Variants in B4GALT5 observed in about 807,000 individuals in gnomAD.
B4GALT5 encodes the protein UDP-Gal:beta-GlcNAc beta-1,4-galactosyltransferase 5.
A neutral mutation model predicts 45.0 loss-of-function variants in B4GALT5; 11 were observed. The ratio of observed to expected loss-of-function variants is 0.24; its 90% CI spans 0.15 to 0.40. The LOEUF (loss-of-function observed/expected upper bound fraction) is 0.40. Ranked by LOEUF, B4GALT5 falls within the 10% of genes least tolerant of loss-of-function variation. B4GALT5 has a pLI of 1.00. For synonymous variants in B4GALT5, 185 were observed against 182.9 expected (o/e 1.01, Z -0.09); for missense variants, 337 against 500.2 (o/e 0.67, Z 3.11).
intron 1 of B4GALT5, among the ~76,000 whole-genome samples, chr20:49,696,240 G>A (rs2085839154): frequency 6.6e-6 from 1 of 152,084 alleles, no homozygotes; most frequent in South Asian, 2.1e-4. Flanking sequence ...TAATTACTAA[G>A]TCCAAACAGG....
chr20:49,708,730 G>A (rs573704287), intron 1 of B4GALT5, among the ~76,000 whole-genome samples: 1 of 152,176 alleles, frequency 6.6e-6, no homozygotes, highest in East Asian at 1.9e-4. Flanking sequence ...GGCAGACCAC[G>A]AGGTCAGGAG....
At position 49,697,575 on chromosome 20, in the gene B4GALT5, C is replaced by CTT. The variant is rs11475400; in HGVS notation, c.115+15999_115+16000dup. On this transcript the variant is annotated intron_variant, in intron 1 of 8. Coordinates refer to ENST00000371711, the MANE Select transcript of B4GALT5 (RefSeq NM_004776.4). ...GGATGGCAGAGGAAGGGGACATGTCCTTTTTTTTTTTTTTTTAACAGAAAA... is the reference window on the plus strand; with the variant it reads ...GGATGGCAGAGGAAGGGGACATGTCCTTTTTTTTTTTTTTTTTTAACAGAAAA... 4.5e-4 allele frequency among the ~76,000 whole-genome samples: 65 copies of CTT among 143,662 alleles called. 1 individual carries two copies. The highest frequency in any genetic ancestry group is 4.0e-3 in the East Asian group (20 of 4,994). The allele number at this position is 143,662 out of a possible 152,430, so 94.2% of individuals were successfully genotyped here.
At chr20:49,665,471 T>TA (rs1310186582) in intron 1 of B4GALT5, among the ~76,000 whole-genome samples, 2 of 144,688 alleles carry the variant, frequency 1.4e-5, no homozygotes, top group Non-Finnish European at 3.0e-5. Context: ...ATAATAATAA[T>TA]AATAATAATA....
Position 49,636,179 on chromosome 20 carries a change from T to C in B4GALT5, c.*133A>G. 1 of 1,222,648 alleles carries C rather than the reference T, an allele frequency of 8.2e-7. No homozygotes were observed. The highest frequency in any genetic ancestry group is 2.3e-5 in the Admixed American group (1 of 43,968). The allele number at this position is 1,222,648 out of a possible 1,614,324, so 75.7% of individuals were successfully genotyped here. ...TGCGTGTGCTGTCACATTTTCCCCC[T>C]GAACTCTGTGATCCTTCATGAGACA... On this transcript the variant is annotated 3_prime_UTR_variant, in exon 9 of 9. Transcript: ENST00000371711.
intron 1 of B4GALT5, among the ~76,000 whole-genome samples, chr20:49,705,696 A>C (rs968243469): frequency 6.6e-6 from 1 of 152,198 alleles, no homozygotes; most frequent in African/African-American, 2.4e-5. Flanking sequence ...CAATTCACAC[A>C]TGCTCAGAAT....
chr20:49,656,845 C>T, intron 1 of B4GALT5, 143 bp from the exon 2 acceptor site: 1 of 1,073,986 alleles, frequency 9.3e-7, no homozygotes, highest in Non-Finnish European at 1.3e-6. Flanking sequence ...GACCATAACT[C>T]TATTTTCCAT....
chr20:49,708,825 A>T (rs578113382), intron 1 of B4GALT5, among the ~76,000 whole-genome samples: 1 of 151,680 alleles, frequency 6.6e-6, no homozygotes, highest in Non-Finnish European at 1.5e-5. Flanking sequence ...CCAGCAACTC[A>T]GGAGGCTGAG....
rs148276947 is a variant in B4GALT5, at chr20:49,673,582, T to C, written c.116-16880A>G. Among the ~76,000 whole-genome samples, 636 of 152,242 alleles carry C rather than the reference T, an allele frequency of 4.2e-3. 4 individuals carry two copies. The highest frequency in any genetic ancestry group is 0.013 in the African/African-American group (532 of 41,548). ...TTTTGGGGATGGGGGCAGCTACAAATAACATTCTGAGCACCACTGGATGAG... is the reference window on the plus strand; with the variant it reads ...TTTTGGGGATGGGGGCAGCTACAAACAACATTCTGAGCACCACTGGATGAG... On this transcript the variant is annotated intron_variant, in intron 1 of 8. Transcript: ENST00000371711.
chr20:49,702,434 G>A (rs915664881), intron 1 of B4GALT5, among the ~76,000 whole-genome samples: 4 of 152,134 alleles, frequency 2.6e-5, no homozygotes, highest in African/African-American at 9.7e-5. Context: ...TAGGTAAATT[G>A]GGCCTCATTA....
chr20:49,699,123 G>T (rs2085851053), intron 1 of B4GALT5, among the ~76,000 whole-genome samples: 1 of 152,078 alleles, frequency 6.6e-6, no homozygotes. Flanking sequence ...GACGTTAATA[G>T]CAACATATAA....
At chr20:49,663,690 A>AAAATATATAT (rs1555812124) in intron 1 of B4GALT5, among the ~76,000 whole-genome samples, 8 of 96,944 alleles carry the variant, frequency 8.3e-5, no homozygotes, top group African/African-American at 3.6e-4. Flanking sequence ...AAAAAAAAAA[A>AAAATATATAT]ATATATACAT....
intron 1 of B4GALT5, among the ~76,000 whole-genome samples, chr20:49,672,783 C>T (rs547947702): frequency 2.6e-5 from 4 of 152,012 alleles, no homozygotes; most frequent in African/African-American, 9.6e-5. Flanking sequence ...GGCTTGGCCT[C>T]GACCTCCGCA....
intron 1 of B4GALT5, among the ~76,000 whole-genome samples, chr20:49,669,995 T>C (rs2085709230): frequency 6.6e-6 from 1 of 152,230 alleles, no homozygotes; most frequent in African/African-American, 2.4e-5. Flanking sequence ...CACAAAGTTT[T>C]TACTTACATT....
chr20:49,663,809 C>T (rs1207083200), intron 1 of B4GALT5, among the ~76,000 whole-genome samples: 7 of 148,800 alleles, frequency 4.7e-5, no homozygotes, highest in East Asian at 3.9e-4. Flanking sequence ...ACACAACCAA[C>T]GGAAAAGTAC....
Position 49,654,937 on chromosome 20 carries a change from G to A in B4GALT5, c.250+1631C>T, listed in dbSNP as rs565441167. On this transcript the variant is annotated intron_variant, in intron 2 of 8. Transcript: ENST00000371711. Reference sequence around the variant, plus strand: ...GACTGGGCAACATGGTGAAAGCCGTGTCTACAAAAAATACAAAAATTAGCC... The same window carrying A: ...GACTGGGCAACATGGTGAAAGCCGTATCTACAAAAAATACAAAAATTAGCC... Among the ~76,000 whole-genome samples, 13 of 151,976 alleles carry A rather than the reference G, an allele frequency of 8.6e-5. No homozygotes were observed. The South Asian group carries it at 2.5e-3, about 29-fold the overall frequency.
intron 1 of B4GALT5, among the ~76,000 whole-genome samples, chr20:49,665,440 GTAATAATAATAATAATAATAA>G (rs71339446): frequency 3.0e-3 from 287 of 95,040 alleles, no homozygotes; most frequent in Non-Finnish European, 4.2e-3. Context: ...GGGGGTAGTA[GTAATAATAATAATAATAATAA>G]TAATAATAAT....
Position 49,704,739 on chromosome 20 carries a change from C to CA in B4GALT5, c.115+8836dup, listed in dbSNP as rs1011080068. 8.7e-3 allele frequency among the ~76,000 whole-genome samples: 1,303 copies of CA among 149,832 alleles called. 12 individuals carry two copies. The highest frequency in any genetic ancestry group is 0.03 in the African/African-American group (1,226 of 40,736). On this transcript the variant is annotated intron_variant, in intron 1 of 8. Coordinates refer to ENST00000371711, the MANE Select transcript of B4GALT5 (RefSeq NM_004776.4). ...GTCTCAAAAAAAAAACAAAAAAAAA[C>CA]AAAAAAAAACCACAACATTGCTGTC...
chr20:49,696,613 T>C (rs935966310), intron 1 of B4GALT5, among the ~76,000 whole-genome samples: 1 of 152,200 alleles, frequency 6.6e-6, no homozygotes, highest in African/African-American at 2.4e-5. Context: ...CAGATTTAAA[T>C]TGCTGCCATC....
chr20:49,692,429 T>A (rs2085817805), intron 1 of B4GALT5, among the ~76,000 whole-genome samples: 1 of 152,140 alleles, frequency 6.6e-6, no homozygotes, highest in African/African-American at 2.4e-5. Context: ...ATCGCATCAC[T>A]GCATTCCAGC....
Sources: gnomAD v4.1 joint callset for allele counts (sites outside exome capture counted in the v4.1 genomes callset) on GRCh38, gnomAD v4.1.1 for gene constraint, MANE v1.5 for transcripts, NCBI Gene and HGNC (gene_info 2026-07-23, HGNC 2026-07-21) for gene names.